THSD7A: variants seen among roughly 807,000 people sequenced by gnomAD.
THSD7A encodes the protein thrombospondin type 1 domain containing 7A, also known as thrombospondin type-1 domain-containing protein 7A.
Under a neutral mutation model 231.3 loss-of-function variants are expected in THSD7A, and 96 were observed. The observed-to-expected ratio is 0.41, with a 90% confidence interval of 0.35 to 0.49. The LOEUF (loss-of-function observed/expected upper bound fraction) is 0.49, where lower values mean the gene tolerates loss of function less well. Among genes scored for constraint, THSD7A ranks in the 20% least tolerant of loss-of-function variants. THSD7A has a pLI of 0.05. For synonymous variants in THSD7A, 940 were observed against 743.3 expected (o/e 1.26, Z -4.30); for missense variants, 2,290 against 2,070.2 (o/e 1.11, Z -2.06).
intron 1 of THSD7A, among the ~76,000 whole-genome samples, chr7:11,789,243 TAGATC>T (rs1320125696): frequency 6.6e-6 from 1 of 151,978 alleles, no homozygotes; most frequent in African/African-American, 2.4e-5. Context: ...GTCAAGAAAT[TAGATC>T]AGAAAGATGG....
chr7:11,426,637 C>A, intron 15 of THSD7A, 29 bp downstream of exon 15: 1 of 1,538,892 alleles, frequency 6.5e-7, no homozygotes, highest in South Asian at 1.2e-5. Context: ...AGGATTCTAT[C>A]AAAAAGCATG....
rs112105070 is a variant in THSD7A at position 11,386,007 on chromosome 7, G to A, written c.4412-3391C>T. Among the ~76,000 whole-genome samples the A allele has an allele frequency of 5.3e-5, 8 of 152,156 alleles. 2 individuals carry two copies. The highest frequency in any genetic ancestry group is 1.7e-4 in the African/African-American group (7 of 41,498). On this transcript the variant is annotated intron_variant, in intron 23 of 27. Transcript: ENST00000423059. ...TTGTGACAGTTTGCTAAGAATGATG[G>A]TTTCTAGCTTCATCCATGTCCCTGC... is the stretch of plus-strand genomic sequence containing the variant.
chr7:11,474,537 C>T lies in THSD7A; in HGVS notation c.2049G>A (p.Leu683=), dbSNP rs747271082. 3 of 1,606,406 alleles carry T rather than the reference C, an allele frequency of 1.9e-6. No homozygotes were observed. The highest frequency in any genetic ancestry group is 1.1e-5 in the South Asian group (1 of 90,254). ...GGIRCPNSSA[L]QEVRSCNEHP... ...GCTCATTACAGCTTCGTACTTCTTGCAAAGCACTGCTATTTGGACAGCGAA... is the reference window on the plus strand; with the variant it reads ...GCTCATTACAGCTTCGTACTTCTTGTAAAGCACTGCTATTTGGACAGCGAA... The change falls in exon 8 of 28, where the codon TTG becomes TTA. Residue 683 remains leucine (L), a synonymous_variant. Coordinates refer to ENST00000423059, the MANE Select transcript of THSD7A (RefSeq NM_015204.3). This position sits in a 1 kb window ranked among gnomAD's most constrained non-coding sequence, Gnocchi z 4.1.
chr7:11,475,553 G>A (rs1016079403), intron 7 of THSD7A, among the ~76,000 whole-genome samples: 1 of 148,668 alleles, frequency 6.7e-6, no homozygotes, highest in East Asian at 2.0e-4. Context: ...AGGGTTATAA[G>A]TATATATATA....
chr7:11,391,273 C>CT (rs113886867), intron 23 of THSD7A, among the ~76,000 whole-genome samples: 124 of 152,174 alleles, frequency 8.1e-4, no homozygotes, highest in South Asian at 2.1e-3. Flanking sequence ...GGGCTCCTGC[C>CT]TTTTTTTTCA....
intron 6 of THSD7A, among the ~76,000 whole-genome samples, chr7:11,501,597 A>G (rs1040364686): frequency 6.6e-6 from 1 of 152,238 alleles, no homozygotes; most frequent in African/African-American, 2.4e-5. Flanking sequence ...ACAAAGATAC[A>G]ACATGCCAGA....
chr7:11,781,921 T>C (rs1783644026), intron 1 of THSD7A, among the ~76,000 whole-genome samples: 1 of 152,162 alleles, frequency 6.6e-6, no homozygotes, highest in South Asian at 2.1e-4. Context: ...AGTCAGATAA[T>C]TCTTTATTTC....
Position 11,574,595 on chromosome 7 carries a change from C to T in THSD7A, c.1453+15865G>A, listed in dbSNP as rs572123420. ...GACTACAGGCGCCCACCACCACGCC[C>T]GGCTAATTTTTTTTTTTTTTTTAGT... On this transcript the variant is annotated intron_variant, in intron 4 of 27. Transcript: ENST00000423059. 3.8e-4 allele frequency among the ~76,000 whole-genome samples: 58 copies of T among 151,248 alleles called. 1 individual carries two copies. Among genetic ancestry groups the T allele is most frequent in the African/African-American group, 1.3e-3 (55 of 41,220 alleles).
intron 6 of THSD7A, among the ~76,000 whole-genome samples, chr7:11,526,753 C>T (rs533948667): frequency 1.1e-3 from 170 of 152,280 alleles, no homozygotes; most frequent in Non-Finnish European, 2.0e-3. Flanking sequence ...TCCCCTTTGC[C>T]TTCCACCATG....
At chr7:11,615,667 C>T (rs1266741489) in intron 2 of THSD7A, among the ~76,000 whole-genome samples, 1 of 152,056 alleles carries the variant, frequency 6.6e-6, no homozygotes, top group Non-Finnish European at 1.5e-5. Flanking sequence ...AGCTTTTTTG[C>T]TCAATCCCTT....
intron 1 of THSD7A, among the ~76,000 whole-genome samples, chr7:11,685,499 G>C (rs1478464559): frequency 1.3e-5 from 2 of 151,726 alleles, no homozygotes; most frequent in Non-Finnish European, 2.9e-5. Context: ...AATATCCAGA[G>C]TCTGCAAGGA....
intron 16 of THSD7A, among the ~76,000 whole-genome samples, chr7:11,424,341 A>C (rs1048570169): frequency 1.3e-5 from 2 of 152,222 alleles, no homozygotes; most frequent in African/African-American, 4.8e-5. Flanking sequence ...AGTTTGATAC[A>C]AAAGAGCAAG....
intron 15 of THSD7A, among the ~76,000 whole-genome samples, chr7:11,425,960 A>G (rs1300207466): frequency 6.6e-6 from 1 of 152,174 alleles, no homozygotes; most frequent in Non-Finnish European, 1.5e-5. Context: ...AAAATGCTAG[A>G]TGACACGTTA....
intron 2 of THSD7A, among the ~76,000 whole-genome samples, chr7:11,633,151 C>A (rs1584114367): frequency 6.6e-6 from 1 of 152,100 alleles, no homozygotes; most frequent in East Asian, 1.9e-4. Flanking sequence ...TTTTTAAATT[C>A]TTTCTGTTTT....
chr7:11,497,845 T>C (rs10229925), intron 6 of THSD7A, among the ~76,000 whole-genome samples: 1,806 of 152,200 alleles, frequency 0.012, 43 homozygotes, highest in African/African-American at 0.042. Context: ...ATGGCTCACC[T>C]GGGAGCAACA....
chr7:11,440,270 G>A (rs548505643), intron 13 of THSD7A, among the ~76,000 whole-genome samples: 10 of 152,124 alleles, frequency 6.6e-5, no homozygotes, highest in Middle Eastern at 3.4e-3. Context: ...TATTGACAAC[G>A]CATGTAGTCA....
At chr7:11,722,860 C>A (rs1476006186) in intron 1 of THSD7A, among the ~76,000 whole-genome samples, 1 of 151,990 alleles carries the variant, frequency 6.6e-6, no homozygotes, top group Non-Finnish European at 1.5e-5. Flanking sequence ...GAAATAGGAA[C>A]ACTTTTACAC....
At position 11,611,902 on chromosome 7, in the gene THSD7A, C is replaced by T. The variant is rs146078100; in HGVS notation, c.1023-18400G>A. Among the ~76,000 whole-genome samples the T allele has an allele frequency of 6.5e-4, 98 of 151,488 alleles. No individual in the cohort carries two copies. In the East Asian group the frequency reaches 0.017, roughly 26 times the overall value. On this transcript the variant is annotated intron_variant, in intron 2 of 27. Transcript: ENST00000423059. ...TCTATCTATCTGTCTATCTTTCCTGCTCCCCTGAAAGATATGGTAACTGAG... is the reference window on the plus strand; with the variant it reads ...TCTATCTATCTGTCTATCTTTCCTGTTCCCCTGAAAGATATGGTAACTGAG...
intron 1 of THSD7A, among the ~76,000 whole-genome samples, chr7:11,769,093 G>A (rs1407683468): frequency 1.6e-5 from 2 of 125,652 alleles, no homozygotes; most frequent in African/African-American, 5.9e-5. Context: ...GAGTAGCTGC[G>A]ATTACAGGCA....
Sources: gnomAD v4.1 joint callset for allele counts (sites outside exome capture counted in the v4.1 genomes callset) on GRCh38, gnomAD v4.1.1 for gene constraint, Gnocchi (gnomAD v3.1) non-coding constraint, MANE v1.5 for transcripts, NCBI Gene and HGNC (gene_info 2026-07-23, HGNC 2026-07-21) for gene names.